Variants in GALNT17 observed in about 807,000 individuals in gnomAD.
The protein encoded by GALNT17 is polypeptide N-acetylgalactosaminyltransferase 17, also known as UDP-GalNAc:polypeptide N-acetylgalactosaminyltransferase-like 3.
In GALNT17, 29 loss-of-function variants were observed where a neutral mutation model predicts 63.7. The observed-to-expected ratio is 0.46, with a 90% CI of 0.34 to 0.62. The LOEUF is 0.62. GALNT17 is among the 20% of genes least tolerant of loss of function. GALNT17 has a pLI of 0.01. For missense variants in GALNT17, 603 were observed against 799.6 expected, an observed-to-expected ratio of 0.75 and a Z score of 2.97; for synonymous variants, 305 against 318.3, an observed-to-expected ratio of 0.96 and a Z score of 0.45.
intron 1 of GALNT17, among the ~76,000 whole-genome samples, chr7:71,213,402 C>A (rs998647114): frequency 9.9e-5 from 15 of 152,140 alleles, no homozygotes; most frequent in African/African-American, 3.4e-4. Context: ...TGAAAACAGA[C>A]TAATACACTT....
At position 71,132,695 on chromosome 7, in the gene GALNT17, C is replaced by A; in HGVS notation, c.-108C>A. On this transcript the variant is annotated 5_prime_UTR_variant, in exon 1 of 11. Coordinates refer to ENST00000333538, the MANE Select transcript of GALNT17 (RefSeq NM_022479.3). ...AGGTGGGACGAGCAGGGGCTTGGAT[C>A]CCTGCCGGCCGTCTGGTGTGTGAGG... 1 of 924,028 alleles carries A rather than the reference C, an allele frequency of 1.1e-6. No homozygotes were observed. Among genetic ancestry groups the A allele is most frequent in the South Asian group, 1.8e-5 (1 of 55,758 alleles). The allele number at this position is 924,028 out of a possible 1,614,324, so 57.2% of individuals were successfully genotyped here.
chr7:71,302,583 G>T (rs561218844), intron 1 of GALNT17, among the ~76,000 whole-genome samples: 1 of 152,222 alleles, frequency 6.6e-6, no homozygotes, highest in Admixed American at 6.5e-5. Context: ...CTTGTCTGTT[G>T]CCTCTGAGCT....
At chr7:71,220,880 AC>A (rs1305479855) in intron 1 of GALNT17, among the ~76,000 whole-genome samples, 1 of 151,592 alleles carries the variant, frequency 6.6e-6, no homozygotes, top group Non-Finnish European at 1.5e-5. Flanking sequence ...TGTTCAATAC[AC>A]CCCCCTCTGT....
At position 71,184,939 on chromosome 7, in the gene GALNT17, A is replaced by ACTTCCTTCCTTC. The variant is rs1164312541; in HGVS notation, c.238+51948_238+51959dup. On this transcript the variant is annotated intron_variant, in intron 1 of 10. Coordinates refer to ENST00000333538, the MANE Select transcript of GALNT17 (RefSeq NM_022479.3). ...CCCACCCTCCCTCCCTCCCTTCCTC[A>ACTTCCTTCCTTC]CTTCCTTCCTTCCTTCCTTCCTTCC... Among the ~76,000 whole-genome samples the ACTTCCTTCCTTC allele has an allele frequency of 5.4e-3, 346 of 64,174 alleles. 1 individual carries two copies. The highest frequency in any genetic ancestry group is 0.02 in the East Asian group (32 of 1,610). 42.1% of individuals were successfully genotyped at this position (64,174 alleles called of 152,430 possible). A position where few individuals can be genotyped will look rare whatever the true frequency, so the allele number is the denominator to read the frequency against.
intron 5 of GALNT17, among the ~76,000 whole-genome samples, chr7:71,496,523 AGT>A (rs1249225626): frequency 6.6e-6 from 1 of 152,198 alleles, no homozygotes; most frequent in Non-Finnish European, 1.5e-5. Context: ...GACATCGTCC[AGT>A]GACATAGAAA....
chr7:71,604,887 C>T (rs1278643219), intron 6 of GALNT17, among the ~76,000 whole-genome samples: 2 of 152,168 alleles, frequency 1.3e-5, no homozygotes, highest in Non-Finnish European at 2.9e-5. Context: ...TCCTGTCTTG[C>T]TCAGAAAAGA....
chr7:71,495,818 G>A (rs11978444), intron 5 of GALNT17, among the ~76,000 whole-genome samples: 4,424 of 152,260 alleles, frequency 0.029, 134 homozygotes, highest in African/African-American at 0.069. Context: ...GAATTGCAGG[G>A]TAGGGAAGAG....
chr7:71,320,644 T>A (rs1791589460), intron 1 of GALNT17, among the ~76,000 whole-genome samples: 1 of 152,180 alleles, frequency 6.6e-6, no homozygotes, highest in African/African-American at 2.4e-5. Flanking sequence ...GTATTTAAAA[T>A]TGATAGTGCT....
At chr7:71,358,994 C>G (rs953196639) in intron 2 of GALNT17, among the ~76,000 whole-genome samples, 1 of 152,138 alleles carries the variant, frequency 6.6e-6, no homozygotes, top group Non-Finnish European at 1.5e-5. Flanking sequence ...AGGCTGGTCT[C>G]AAACTCCTGA....
chr7:71,547,136 C>A (rs938082984), intron 5 of GALNT17, among the ~76,000 whole-genome samples: 3 of 151,566 alleles, frequency 2.0e-5, no homozygotes, highest in African/African-American at 7.3e-5. Context: ...GAATTACAGG[C>A]ATGCAACACC....
At chr7:71,618,941 G>C (rs1369781705) in intron 6 of GALNT17, among the ~76,000 whole-genome samples, 1 of 152,106 alleles carries the variant, frequency 6.6e-6, no homozygotes, top group Non-Finnish European at 1.5e-5. Context: ...TTTATTGTTT[G>C]AGGTCTTATA....
At chr7:71,672,719 T>G (rs1791088514) in intron 8 of GALNT17, among the ~76,000 whole-genome samples, 1 of 152,154 alleles carries the variant, frequency 6.6e-6, no homozygotes, top group Non-Finnish European at 1.5e-5. Flanking sequence ...GCCCAGCTAA[T>G]TTTTGTGTTT....
chr7:71,662,473 T>C (rs1422204483), intron 6 of GALNT17, among the ~76,000 whole-genome samples: 2 of 152,140 alleles, frequency 1.3e-5, no homozygotes, highest in African/African-American at 2.4e-5. Context: ...CTGTGCAAAG[T>C]TCACCACAAT....
chr7:71,152,598 A>G (rs1248394961), intron 1 of GALNT17, among the ~76,000 whole-genome samples: 9 of 151,760 alleles, frequency 5.9e-5, no homozygotes, highest in Admixed American at 5.9e-4. Context: ...CTTCTTCCCC[A>G]TGAGATAGGC....
chr7:71,232,937 A>C (rs140369575), intron 1 of GALNT17, among the ~76,000 whole-genome samples: 1 of 152,066 alleles, frequency 6.6e-6, no homozygotes, highest in East Asian at 1.9e-4. Context: ...CCCATCTCCT[A>C]TCTCAGAAGT....
At position 71,288,068 on chromosome 7, in the gene GALNT17, T is replaced by A. The variant is rs1400620728; in HGVS notation, c.239-47482T>A. Among the ~76,000 whole-genome samples the A allele has an allele frequency of 8.6e-4, 119 of 138,750 alleles. 1 individual carries two copies. The highest frequency in any genetic ancestry group is 3.3e-3 in the African/African-American group (109 of 32,822). 91.0% of individuals were successfully genotyped at this position (138,750 alleles called of 152,430 possible). A position where few individuals can be genotyped will look rare whatever the true frequency, so the allele number is the denominator to read the frequency against. ...TGTCTCAAAAAAAAAAAAAAAAAAT[T>A]AGCTGGGCATGGTGGCACACACCTG... On this transcript the variant is annotated intron_variant, in intron 1 of 10. Transcript: ENST00000333538.
At chr7:71,435,128 C>T (rs78158816) in intron 5 of GALNT17, among the ~76,000 whole-genome samples, 2,071 of 152,210 alleles carry the variant, frequency 0.014, 43 homozygotes, top group African/African-American at 0.047. Flanking sequence ...GAGTTCAAGA[C>T]CAGCCTGGGC....
chr7:71,361,956 C>G (rs1792410024), intron 2 of GALNT17, among the ~76,000 whole-genome samples: 1 of 151,932 alleles, frequency 6.6e-6, no homozygotes, highest in South Asian at 2.1e-4. Context: ...GAGATTTTTA[C>G]TTTTTATTTT....
intron 2 of GALNT17, among the ~76,000 whole-genome samples, chr7:71,345,934 A>G (rs1230920715): frequency 2.0e-5 from 3 of 151,636 alleles, no homozygotes; most frequent in Admixed American, 2.0e-4. Flanking sequence ...TGTAATCCCA[A>G]CACTTTGAGA....
Sources: allele counts gnomAD v4.1 joint callset (sites outside exome capture counted in the v4.1 genomes callset), GRCh38; gene constraint gnomAD v4.1.1; transcripts MANE v1.5; gene names NCBI Gene and HGNC (gene_info 2026-07-23, HGNC 2026-07-21).